Variants in HBP1 observed in about 807,000 individuals in gnomAD.
HBP1 encodes HMG box-containing protein 1.
In HBP1, 20 loss-of-function variants were observed where a neutral mutation model predicts 62.6. The observed-to-expected ratio is 0.32, with a 90% CI of 0.22 to 0.46. The LOEUF (loss-of-function observed/expected upper bound fraction) is 0.46. Ranked by LOEUF, HBP1 falls within the 20% of genes least tolerant of loss-of-function variation. The pLI is 1.00. For synonymous variants in HBP1, 232 were observed against 206.2 expected, an observed-to-expected ratio of 1.12 and a Z score of -1.07; for missense variants, 480 against 611.8, an observed-to-expected ratio of 0.78 and a Z score of 2.27.
At chr7:107,179,156 G>GA (rs778620393) in intron 1 of HBP1, among the ~76,000 whole-genome samples, 13 of 152,106 alleles carry the variant, frequency 8.5e-5, no homozygotes, top group Non-Finnish European at 1.8e-4. Flanking sequence ...GGACAAAATA[G>GA]AATATTCTTC....
In HBP1 at chr7:107,189,191, G is replaced by C. The variant is rs1024487646; in HGVS notation, c.766-101G>C. ...CTTTAATGGCAGGGATCCTGTCTTG[G>C]TTATTTTTACCTTTTCCACAAAGTC... On this transcript the variant is annotated intron_variant, in intron 6 of 10. Transcript: ENST00000222574. 3.1e-6 allele frequency: 3 copies of C among 977,856 alleles called. No individual in the cohort carries two copies. In the African/African-American group the frequency reaches 4.9e-5, roughly 16 times the overall value. 60.6% of individuals were successfully genotyped at this position (977,856 alleles called of 1,614,324 possible).
rs1250732624 is a variant in HBP1 at position 107,196,118 on chromosome 7, A to C, written c.1352A>C (p.Glu451Ala). The C allele has an allele frequency of 6.2e-7, 1 of 1,608,134 alleles. No individual in the cohort carries two copies. Among genetic ancestry groups the C allele is most frequent in the Admixed American group, 1.7e-5 (1 of 59,988 alleles). ...FMLFAKKYRV[E>A]YTQMYPGKDN... is the part of the protein sequence containing the mutation. ...CTTTTTGCCAAAAAATACAGAGTTG[A>C]ATATACTCAGATGTATCCAGGGAAA... Residue 451 changes from glutamate to alanine, a missense_variant, in exon 9 of 11, where the codon GAA becomes GCA. Around this residue, in one of 4 missense-constraint regions of HBP1, gnomAD observed 52 missense variants for 96.0 expected, o/e 0.54. Coordinates refer to ENST00000222574, the MANE Select transcript of HBP1 (RefSeq NM_012257.4).
At position 107,201,793 on chromosome 7, in the gene HBP1, A is replaced by G. The variant is rs1584513137; in HGVS notation, c.*362A>G. 1.6e-5 allele frequency: 3 copies of G among 189,096 alleles called. No individual in the cohort carries two copies. The East Asian group carries it at 3.9e-4, about 25-fold the overall frequency. The allele number at this position is 189,096 out of a possible 1,614,324, so 11.7% of individuals were successfully genotyped here. ...ATTGTACGAAAGGGGAATTTAAAAA[A>G]TATGTAACTGCTGTTTATACATTGG... On this transcript the variant is annotated 3_prime_UTR_variant, in exon 11 of 11. Coordinates refer to ENST00000222574, the MANE Select transcript of HBP1 (RefSeq NM_012257.4).
intron 2 of HBP1, among the ~76,000 whole-genome samples, chr7:107,182,015 A>C (rs1213057724): frequency 1.3e-5 from 2 of 152,192 alleles, no homozygotes; most frequent in African/African-American, 2.4e-5. Flanking sequence ...TGTGATCTAT[A>C]TTATCATTAT....
chr7:107,182,649 A>C, intron 3 of HBP1, 48 bp downstream of exon 3: 1 of 1,026,254 alleles, frequency 9.7e-7, no homozygotes, highest in South Asian at 1.5e-5. Flanking sequence ...TCATTACACA[A>C]AGGTTTTATT....
At chr7:107,169,749 G>A in intron 1 of HBP1, 1 of 985,394 alleles carries the variant, frequency 1.0e-6, no homozygotes. Flanking sequence ...CCAGGCGCCT[G>A]CGCGCTGGGG....
intron 3 of HBP1, among the ~76,000 whole-genome samples, chr7:107,185,065 G>A (rs1797287671): frequency 6.6e-6 from 1 of 152,144 alleles, no homozygotes; most frequent in African/African-American, 2.4e-5. Flanking sequence ...GTCTGTTTGT[G>A]AGGGAAGGAT....
rs760399359 is a variant in HBP1 at position 107,200,274 on chromosome 7, C to T, written c.1500C>T (p.Asp500=). 1.5e-5 allele frequency: 25 copies of T among 1,613,002 alleles called. No homozygotes were observed. The South Asian group carries it at 2.6e-4, about 17-fold the overall frequency. Residue 500 remains aspartate, a synonymous_variant, in exon 10 of 11, where the codon GAC becomes GAT. Coordinates refer to ENST00000222574, the MANE Select transcript of HBP1 (RefSeq NM_012257.4). ...AAGAACAGAAACGTTTAAATCCTGACTGTTGGAAGAGGAAAAGAACCAATT... is the reference window on the plus strand; with the variant it reads ...AAGAACAGAAACGTTTAAATCCTGATTGTTGGAAGAGGAAAAGAACCAATT... ...LAEEQKRLNP[D]CWKRKRTNSG... is the part of the protein sequence containing the mutation.
intron 2 of HBP1, 142 bp from the exon 3 acceptor site, chr7:107,182,231 G>T (rs1350776751): frequency 1.6e-6 from 1 of 610,614 alleles, no homozygotes; most frequent in Non-Finnish European, 2.9e-6. Flanking sequence ...TTTCCAGTCT[G>T]TGAACAGAAT....
intron 1 of HBP1, among the ~76,000 whole-genome samples, chr7:107,172,878 G>A (rs899903025): frequency 6.6e-6 from 1 of 152,122 alleles, no homozygotes; most frequent in African/African-American, 2.4e-5. Context: ...AGGCCTGAGT[G>A]ACTGGGCCTG....
Position 107,196,026 on chromosome 7 carries a change from C to T in HBP1, c.1260C>T (p.Asn420=), listed in dbSNP as rs1417506753. ...SNSLYAKAVK[N]HSSGTVSATS... is the part of the protein sequence containing the mutation. ...CTTTGTATGCTAAAGCTGTCAAAAA[C>T]CACAGCTCAGGGACTGTGAGTGCCA... Residue 420 remains asparagine, a synonymous_variant, in exon 9 of 11, where the codon AAC becomes AAT. Coordinates refer to ENST00000222574, the MANE Select transcript of HBP1 (RefSeq NM_012257.4). The T allele has an allele frequency of 1.2e-6, 2 of 1,613,872 alleles. No homozygotes were observed. The highest frequency in any genetic ancestry group is 1.7e-6 in the Non-Finnish European group (2 of 1,179,768).
rs956345886 is a variant in HBP1 at position 107,186,563 on chromosome 7, C to T, written c.653-6C>T. On this transcript the variant is annotated splice_polypyrimidine_tract_variant and splice_region_variant and intron_variant, in intron 5 of 10. Coordinates refer to ENST00000222574, the MANE Select transcript of HBP1 (RefSeq NM_012257.4). ...GTCTAATACGTGTTTTCTACCTAAA[C>T]CTTAGGCACACGACTGTGCTTTCAT... The T allele has an allele frequency of 6.2e-7, 1 of 1,602,098 alleles. No homozygotes were observed. The highest frequency in any genetic ancestry group is 8.5e-7 in the Non-Finnish European group (1 of 1,169,850).
At chr7:107,178,290 C>T (rs951988477) in intron 1 of HBP1, among the ~76,000 whole-genome samples, 5 of 152,142 alleles carry the variant, frequency 3.3e-5, no homozygotes, top group Non-Finnish European at 7.4e-5. Context: ...GAACTATAGG[C>T]ATGAGCTACT....
At chr7:107,171,075 T>A (rs867735411) in intron 1 of HBP1, among the ~76,000 whole-genome samples, 2,226 of 73,154 alleles carry the variant, frequency 0.03, 181 homozygotes, top group Middle Eastern at 0.048. Flanking sequence ...ATATATATAT[T>A]TTTTTTTTTT....
Position 107,170,103 on chromosome 7 carries a change from C to T in HBP1, c.-16+918C>T, listed in dbSNP as rs1031978405. On this transcript the variant is annotated intron_variant, in intron 1 of 10. Transcript: ENST00000222574. ...TTCTTAGGGAGTTTTCAGCTACAGT[C>T]GTTTTTAGAAGGAGCACTGACAGCG... 6 of 985,288 alleles carry T rather than the reference C, an allele frequency of 6.1e-6. No individual in the cohort carries two copies. In the African/African-American group the frequency reaches 7.0e-5, roughly 11 times the overall value. 61.0% of individuals were successfully genotyped at this position (985,288 alleles called of 1,614,324 possible).
chr7:107,192,540 ATAT>A (rs960354926), intron 8 of HBP1: 3 of 152,254 alleles, frequency 2.0e-5, no homozygotes, highest in East Asian at 1.9e-4. Context: ...GATACTGGAA[ATAT>A]TATTCTTAAT....
intron 1 of HBP1, chr7:107,170,034 C>T (rs1477721995): frequency 7.1e-6 from 7 of 985,304 alleles, no homozygotes; most frequent in Non-Finnish European, 8.4e-6. Flanking sequence ...TGCGTGCTGT[C>T]TAGGGTGTTT....
rs1797324179 is a variant in HBP1 at position 107,185,819 on chromosome 7, C to T, written c.417C>T (p.Ile139=). Residue 139 remains isoleucine, a synonymous_variant, in exon 4 of 11, where the codon ATC becomes ATT. Coordinates refer to ENST00000222574, the MANE Select transcript of HBP1 (RefSeq NM_012257.4). ...SFYNRSSPVH[I]IATSKSLHSY... is the part of the protein sequence containing the mutation. ...ATTTTAGATCATCTCCTGTACACAT[C>T]ATAGCCACTAGCAAAAGTTTACATT... 1.2e-6 allele frequency: 2 copies of T among 1,613,508 alleles called. No individual in the cohort carries two copies. The highest frequency in any genetic ancestry group is 1.7e-6 in the Non-Finnish European group (2 of 1,179,558).
intron 1 of HBP1, among the ~76,000 whole-genome samples, chr7:107,176,863 G>A (rs1215989912): frequency 2.0e-5 from 3 of 152,110 alleles, no homozygotes; most frequent in Non-Finnish European, 4.4e-5. Flanking sequence ...GACTGATTGT[G>A]ATCAGTACAT....
Sources: allele counts gnomAD v4.1 joint callset (sites outside exome capture counted in the v4.1 genomes callset), GRCh38; gene constraint gnomAD v4.1.1; regional missense constraint gnomAD v4.1.1; transcripts MANE v1.5; gene names NCBI Gene and HGNC (gene_info 2026-07-23, HGNC 2026-07-21).